MYLK2: variants seen among roughly 807,000 people sequenced by gnomAD.
MYLK2 encodes the protein myosin light chain kinase 2, also known as myosin light chain kinase 2, skeletal/cardiac muscle.
MYLK2 carries 27 observed loss-of-function variants against 58.2 expected under a neutral mutation model. The ratio of observed to expected loss-of-function variants is 0.46; its 90% CI spans 0.34 to 0.64. The LOEUF (loss-of-function observed/expected upper bound fraction) is 0.64, where lower values mean the gene tolerates loss of function less well. MYLK2 is among the 30% of genes least tolerant of loss of function. The pLI, the probability that MYLK2 is intolerant of heterozygous loss-of-function variation, is 0.01. For synonymous variants in MYLK2, 310 were observed against 296.7 expected, an observed-to-expected ratio of 1.04 and a Z score of -0.46; for missense variants, 676 against 764.3, an observed-to-expected ratio of 0.88 and a Z score of 1.36.
chr20:31,831,004 C>A lies in MYLK2; in HGVS notation c.1296-9C>A, dbSNP rs889652680. 4 of 1,614,062 alleles carry A rather than the reference C, an allele frequency of 2.5e-6. No individual in the cohort carries two copies. The African/African-American group carries it at 5.3e-5, about 22-fold the overall frequency. ...GAGCTGTGCTCTCAGCCCTTGGTCTCACCCCCAGGTATAACCCCAACGAGA... is the reference window on the plus strand; with the variant it reads ...GAGCTGTGCTCTCAGCCCTTGGTCTAACCCCCAGGTATAACCCCAACGAGA... On this transcript the variant is annotated splice_polypyrimidine_tract_variant and intron_variant, in intron 9 of 12. Coordinates refer to ENST00000375985, the MANE Select transcript of MYLK2 (RefSeq NM_033118.4).
rs397517473 is a variant in MYLK2, at chr20:31,820,350, C to A, written c.277C>A (p.Pro93Thr). 5.0e-6 allele frequency: 8 copies of A among 1,612,718 alleles called. No homozygotes were observed. The South Asian group carries it at 6.6e-5, about 13-fold the overall frequency. Reference sequence around the variant, plus strand: ...GGGGCCCGCGGAGGGCAGTGCTGGGCCCCCGGCAGCCCTGCCCCAGCAGAC... The same window carrying A: ...GGGGCCCGCGGAGGGCAGTGCTGGGACCCCGGCAGCCCTGCCCCAGCAGAC... ...GGGPAEGSAG[P>T]PAALPQQTAT... The change falls in exon 3 of 13, where the codon CCC becomes ACC. Residue 93 changes from proline to threonine, a missense_variant. By Grantham distance (38) the Pro-to-Thr change is conservative. This residue lies in a region of MYLK2 where 306 missense variants were observed against 296.5 expected (regional missense o/e 1.03). Transcript: ENST00000375985.
intron 8 of MYLK2, chr20:31,828,325 G>C (rs2062290266): frequency 1.0e-6 from 1 of 985,318 alleles, no homozygotes; most frequent in Admixed American, 6.1e-5. Flanking sequence ...AGGTGTTAAT[G>C]CTGTGCGTTA....
rs921099981 is a variant in MYLK2 at position 31,820,678 on chromosome 20, C to T, written c.473+132C>T. On this transcript the variant is annotated intron_variant, in intron 3 of 12. Coordinates refer to ENST00000375985, the MANE Select transcript of MYLK2 (RefSeq NM_033118.4). ...GGAGTGTAGTTCTGACATTCAGTTT[C>T]CTCTGTCCTGTGAATTGCCTCTACC... The T allele has an allele frequency of 1.2e-5, 14 of 1,190,238 alleles. No homozygotes were observed. The African/African-American group carries it at 1.8e-4, about 15-fold the overall frequency. The allele number at this position is 1,190,238 out of a possible 1,614,324, so 73.7% of individuals were successfully genotyped here. A position where few individuals can be genotyped will look rare whatever the true frequency, so the allele number is the denominator to read the frequency against.
intron 10 of MYLK2, 40 bp downstream of exon 10, chr20:31,831,181 G>A (rs369690015): frequency 3.1e-6 from 5 of 1,613,688 alleles, no homozygotes; most frequent in Non-Finnish European, 4.2e-6. Flanking sequence ...GGTTGGTGGG[G>A]CATGGGGGCG....
intron 6 of MYLK2, 63 bp from the exon 7 acceptor site, chr20:31,826,542 T>C: frequency 6.2e-7 from 1 of 1,607,266 alleles, no homozygotes. Flanking sequence ...GGTGCGGGTA[T>C]GGAGGGTGGG....
At chr20:31,831,916 C>A in intron 11 of MYLK2, 61 bp downstream of exon 11, 4 of 1,613,488 alleles carry the variant, frequency 2.5e-6, no homozygotes, top group Non-Finnish European at 3.4e-6. Context: ...TGAGTGCTGG[C>A]AGGGCGGGAG....
At chr20:31,832,251 C>G in intron 12 of MYLK2, 115 bp downstream of exon 12, 1 of 1,438,866 alleles carries the variant, frequency 6.9e-7, no homozygotes, top group East Asian at 2.4e-5. Flanking sequence ...AGGCTGGGCC[C>G]TGTCCGGAAG....
chr20:31,830,999 G>T lies in MYLK2; in HGVS notation c.1296-14G>T. 1 of 1,614,150 alleles carries T rather than the reference G, an allele frequency of 6.2e-7. No individual in the cohort carries two copies. Among genetic ancestry groups the T allele is most frequent in the Non-Finnish European group, 8.5e-7 (1 of 1,180,016 alleles). Reference sequence around the variant, plus strand: ...GCCAGGAGCTGTGCTCTCAGCCCTTGGTCTCACCCCCAGGTATAACCCCAA... The same window carrying T: ...GCCAGGAGCTGTGCTCTCAGCCCTTTGTCTCACCCCCAGGTATAACCCCAA... On this transcript the variant is annotated splice_polypyrimidine_tract_variant and intron_variant, in intron 9 of 12. Transcript: ENST00000375985.
chr20:31,828,882 A>T (rs1265556291), intron 8 of MYLK2, among the ~76,000 whole-genome samples: 1 of 152,104 alleles, frequency 6.6e-6, no homozygotes, highest in African/African-American at 2.4e-5. Context: ...AGGCTGATGG[A>T]GTAAGTAAGC....
rs1157509610 is a variant in MYLK2 at position 31,820,140 on chromosome 20, G to A, written c.67G>A (p.Gly23Ser). The A allele has an allele frequency of 1.9e-6, 3 of 1,613,732 alleles. No individual in the cohort carries two copies. The highest frequency in any genetic ancestry group is 1.3e-5 in the African/African-American group (1 of 74,922). Residue 23 changes from glycine to serine, a missense_variant, in exon 3 of 13, where the codon GGT becomes AGT. Transcript: ENST00000375985. Reference sequence around the variant, plus strand: ...CTCCTCTGCAGACAAGGCACCTAAAGGTCCCACAGGTGAAAGACCCCTGGC... The same window carrying A: ...CTCCTCTGCAGACAAGGCACCTAAAAGTCCCACAGGTGAAAGACCCCTGGC... Reference protein sequence around the residue: ...QNPSTDKAPKGPTGERPLAAG... With the variant: ...QNPSTDKAPKSPTGERPLAAG...
At position 31,820,208 on chromosome 20, in the gene MYLK2, G is replaced by A. The variant is rs370435116; in HGVS notation, c.135G>A (p.Pro45=). 46 of 1,613,886 alleles carry A rather than the reference G, an allele frequency of 2.9e-5. No homozygotes were observed. The highest frequency in any genetic ancestry group is 1.1e-4 in the African/African-American group (8 of 74,914). The change falls in exon 3 of 13, where the codon CCG becomes CCA. Residue 45 remains proline, a synonymous_variant. Transcript: ENST00000375985. ...GCCCCCCAGACCCAAAGAAAGCTCC[G>A]GATCCACCCACCCTGAAGAAAGATG... ...DPGPPDPKKA[P]DPPTLKKDAK... is the part of the protein sequence containing the mutation.
At chr20:31,828,746 A>G in intron 8 of MYLK2, 8 of 983,936 alleles carry the variant, frequency 8.1e-6, no homozygotes, top group Non-Finnish European at 8.4e-6. Context: ...TGTCTGAGTG[A>G]GGGTGCCATC....
chr20:31,826,891 G>T lies in MYLK2; in HGVS notation c.1177G>T (p.Gly393Trp), dbSNP rs757155062. 6.2e-7 allele frequency: 1 copy of T among 1,614,050 alleles called. No individual in the cohort carries two copies. The highest frequency in any genetic ancestry group is 8.5e-7 in the Non-Finnish European group (1 of 1,180,010). Reference sequence around the variant, plus strand: ...GGTGTTTGTCAGGCAGATCTGTGACGGGATCCTCTTCATGCACAAGATGAG... The same window carrying T: ...GGTGTTTGTCAGGCAGATCTGTGACTGGATCCTCTTCATGCACAAGATGAG... ...TMVFVRQICD[G>W]ILFMHKMRVL... The change falls in exon 8 of 13, where the codon GGG becomes TGG. Residue 393 changes from glycine (G) to tryptophan (W), a missense_variant. Coordinates refer to ENST00000375985, the MANE Select transcript of MYLK2 (RefSeq NM_033118.4).
intron 4 of MYLK2, among the ~76,000 whole-genome samples, chr20:31,822,817 G>A (rs1407194022): frequency 6.6e-6 from 1 of 151,924 alleles, no homozygotes; most frequent in African/African-American, 2.4e-5. Context: ...CCCCGAAATC[G>A]CATCCTAGAG....
At chr20:31,832,261 G>A in intron 12 of MYLK2, 125 bp downstream of exon 12, 1 of 1,363,690 alleles carries the variant, frequency 7.3e-7, no homozygotes. Flanking sequence ...CTGTCCGGAA[G>A]ACAGGGTTGA....
chr20:31,828,790 A>G (rs1238660037), intron 8 of MYLK2: 1 of 919,708 alleles, frequency 1.1e-6, no homozygotes, highest in Non-Finnish European at 1.3e-6. Context: ...GTGTGTTAAT[A>G]TCACTGCCAC....
rs561132301 is a variant in MYLK2 at position 31,827,049 on chromosome 20, T to A, written c.1224+111T>A. Reference sequence around the variant, plus strand: ...TCCCATCCCTCCATCTCTTCCTTCATCCATCCTTCCCTTCATAGATTCAGA... The same window carrying A: ...TCCCATCCCTCCATCTCTTCCTTCAACCATCCTTCCCTTCATAGATTCAGA... On this transcript the variant is annotated intron_variant, in intron 8 of 12. Transcript: ENST00000375985. 2,210 of 1,551,308 alleles carry A rather than the reference T, an allele frequency of 1.4e-3. 5 individuals carry two copies. The highest frequency in any genetic ancestry group is 1.9e-3 in the Non-Finnish European group (2,124 of 1,147,984).
intron 6 of MYLK2, among the ~76,000 whole-genome samples, chr20:31,825,900 G>A (rs1222475426): frequency 1.3e-5 from 2 of 152,318 alleles, no homozygotes; most frequent in Admixed American, 1.3e-4. Flanking sequence ...TTCTGAAAGT[G>A]ACAAATAATG....
intron 6 of MYLK2, 152 bp downstream of exon 6, chr20:31,824,504 G>A: frequency 6.7e-7 from 1 of 1,502,076 alleles, no homozygotes; most frequent in Non-Finnish European, 8.9e-7. Flanking sequence ...AGAGATGGAT[G>A]GACAGCCCTG....
Sources: allele counts gnomAD v4.1 joint callset (sites outside exome capture counted in the v4.1 genomes callset), GRCh38; gene constraint gnomAD v4.1.1; regional missense constraint gnomAD v4.1.1; transcripts MANE v1.5; gene names NCBI Gene and HGNC (gene_info 2026-07-23, HGNC 2026-07-21).